Variants in TNRC6C observed in about 807,000 individuals in gnomAD.
TNRC6C encodes the protein trinucleotide repeat containing adaptor 6C, also known as trinucleotide repeat-containing gene 6C protein.
TNRC6C carries 20 observed loss-of-function variants against 153.7 expected under a neutral mutation model. The observed-to-expected ratio is 0.13, with a 90% CI of 0.09 to 0.19. The LOEUF (loss-of-function observed/expected upper bound fraction) is 0.19, where lower values mean the gene tolerates loss of function less well. Among genes scored for constraint, TNRC6C ranks in the 10% least tolerant of loss-of-function variants. The probability of loss-of-function intolerance (pLI) is 1.00; values close to 1 mark genes in which losing one functional copy is unlikely to be tolerated. For missense variants in TNRC6C, 1,987 were observed against 2,172.0 expected, an observed-to-expected ratio of 0.91 and a Z score of 1.69; for synonymous variants, 811 against 841.4, an observed-to-expected ratio of 0.96 and a Z score of 0.63.
chr17:77,980,275 A>C (rs2071056293), intron 1 of TNRC6C, among the ~76,000 whole-genome samples: 1 of 152,236 alleles, frequency 6.6e-6, no homozygotes, highest in Non-Finnish European at 1.5e-5. Context: ...CTGGAACTTA[A>C]AAATTTTTAA....
At chr17:78,015,320 T>C (rs1295290374) in intron 1 of TNRC6C, among the ~76,000 whole-genome samples, 1 of 152,244 alleles carries the variant, frequency 6.6e-6, no homozygotes, top group Non-Finnish European at 1.5e-5. Context: ...GAGGAAACCT[T>C]GTTGTATTTA....
chr17:77,994,531 A>G (rs2071299001), intron 1 of TNRC6C, among the ~76,000 whole-genome samples: 1 of 152,370 alleles, frequency 6.6e-6, no homozygotes, highest in Non-Finnish European at 1.5e-5. Context: ...ACCTTTGAAT[A>G]GAAAGCCACC....
rs149905249 is a variant in TNRC6C, at chr17:78,033,970, A to G, written c.-219+2128A>G. On this transcript the variant is annotated intron_variant, in intron 2 of 19. Coordinates refer to ENST00000301624, the Ensembl canonical transcript of TNRC6C. ...GTGGTCACCTAGTTACTAATGCACA[A>G]ACTCTCCGTTTTTCTCTCTGGCTGT... Among the ~76,000 whole-genome samples, 1,365 of 152,238 alleles carry G rather than the reference A, an allele frequency of 9.0e-3. 20 individuals carry two copies. The highest frequency in any genetic ancestry group is 0.032 in the African/African-American group (1,313 of 41,530).
At chr17:77,958,128 TGCACG>T (rs961156916), upstream of TNRC6C, among the ~76,000 whole-genome samples, 24 of 151,614 alleles carry the variant, frequency 1.6e-4, no homozygotes, top group Non-Finnish European at 3.1e-4. Flanking sequence ...GCAGGGCGTG[TGCACG>T]GCACGGGCGA....
rs1402180037 is a variant in TNRC6C at position 78,079,509 on chromosome 17, C to T, written c.3325C>T (p.Arg1109Cys). ...TCTTAACTCTTCCCAGCCCAGTCTC[C>T]GTGCTCAAGTGCCTCAGTTTCTATC... Residue 1109 changes from arginine to cysteine, a missense_variant, in exon 10 of 20, where the codon CGT becomes TGT. Arg to Cys is a radical substitution (Grantham distance 180, BLOSUM62 -3). This residue lies in a region of TNRC6C where 765 missense variants were observed against 908.6 expected (regional missense o/e 0.84). Transcript: ENST00000301624. The surrounding 1 kb of genome is among the most constrained non-coding windows in gnomAD (Gnocchi z 4.3). The T allele has an allele frequency of 4.3e-6, 7 of 1,613,878 alleles. No homozygotes were observed. The highest frequency in any genetic ancestry group is 5.9e-6 in the Non-Finnish European group (7 of 1,179,878).
intron 1 of TNRC6C, among the ~76,000 whole-genome samples, chr17:78,023,658 T>A (rs1179602241): frequency 6.6e-6 from 1 of 151,114 alleles, no homozygotes; most frequent in Non-Finnish European, 1.5e-5. Context: ...TACAAAAAAT[T>A]AGCTGGGCAT....
At chr17:78,042,119 C>T (rs1567930810) in intron 2 of TNRC6C, among the ~76,000 whole-genome samples, 2 of 152,144 alleles carry the variant, frequency 1.3e-5, no homozygotes, top group South Asian at 2.1e-4. Flanking sequence ...ATTATGTAAT[C>T]CTTTTTAATT....
At chr17:78,070,484 G>T (rs182528658) in intron 5 of TNRC6C, among the ~76,000 whole-genome samples, 1 of 152,240 alleles carries the variant, frequency 6.6e-6, no homozygotes, top group East Asian at 1.9e-4. Context: ...TGGCTCTTCT[G>T]TGGTGCCGAG....
At chr17:78,064,880 C>T in exon 4 of TNRC6C, 1 of 1,612,142 alleles carries the variant, frequency 6.2e-7, no homozygotes, top group Non-Finnish European at 8.5e-7. Flanking sequence ...TGCAGAGCCG[C>T]CGGTGGCATT....
At chr17:78,086,533 A>G (rs767440088) in exon 12 of TNRC6C, 1 of 1,613,930 alleles carries the variant, frequency 6.2e-7, no homozygotes, top group Non-Finnish European at 8.5e-7. Context: ...CCAGCAGCAG[A>G]TGTTACAGGC....
intron 1 of TNRC6C, among the ~76,000 whole-genome samples, chr17:77,977,821 A>G (rs2071021857): frequency 6.6e-6 from 1 of 151,460 alleles, no homozygotes; most frequent in Admixed American, 6.6e-5. Flanking sequence ...ACATAAGTGT[A>G]TGTGAGACTC....
At position 78,079,118 on chromosome 17, in the gene TNRC6C, G is replaced by C. The variant is rs919696035; in HGVS notation, c.3211-277G>C. ...AAAAAAAAAAGCCAGGCATAGTGGC[G>C]GGGGTCTGTAATCCCAGCTACTCGG... is the stretch of plus-strand genomic sequence containing the variant. On this transcript the variant is annotated intron_variant, in intron 9 of 19. Coordinates refer to ENST00000301624, the Ensembl canonical transcript of TNRC6C. This position sits in a 1 kb window ranked among gnomAD's most constrained non-coding sequence, Gnocchi z 4.3. 6.6e-6 allele frequency among the ~76,000 whole-genome samples: 1 copy of C among 151,276 alleles called. No homozygotes were observed. Among genetic ancestry groups the C allele is most frequent in the East Asian group, 2.0e-4 (1 of 5,128 alleles).
intron 1 of TNRC6C, among the ~76,000 whole-genome samples, chr17:77,969,980 T>C (rs1305965849): frequency 6.6e-6 from 1 of 152,228 alleles, no homozygotes. Context: ...TGATAACTCA[T>C]GTAAGAGCAG....
intron 10 of TNRC6C, among the ~76,000 whole-genome samples, chr17:78,081,327 C>T (rs546509460): frequency 6.6e-6 from 1 of 151,830 alleles, no homozygotes; most frequent in Admixed American, 6.6e-5. Flanking sequence ...TGCTAGCATA[C>T]GAAAAAGAGC....
In TNRC6C at chr17:78,073,247, C is replaced by G. The variant is rs371535788; in HGVS notation, c.2917+153C>G. Among the ~76,000 whole-genome samples, 9 of 152,362 alleles carry G rather than the reference C, an allele frequency of 5.9e-5. 1 individual carries two copies. The East Asian group carries it at 1.7e-3, about 29-fold the overall frequency. On this transcript the variant is annotated intron_variant, in intron 7 of 19. Transcript: ENST00000301624. ...GGGGCAACCACACAACAAGCTGGAACCACAGAGGGAGCCTCTTGGGATTAG... is the reference window on the plus strand; with the variant it reads ...GGGGCAACCACACAACAAGCTGGAAGCACAGAGGGAGCCTCTTGGGATTAG...
chr17:77,974,037 G>A (rs1378386083), intron 1 of TNRC6C, among the ~76,000 whole-genome samples: 1 of 131,772 alleles, frequency 7.6e-6, no homozygotes, highest in African/African-American at 2.8e-5. Context: ...AAGACCTGGA[G>A]AGAGGGAGGG....
At chr17:77,984,371 A>G (rs1598649260) in intron 1 of TNRC6C, among the ~76,000 whole-genome samples, 1 of 150,300 alleles carries the variant, frequency 6.7e-6, no homozygotes, top group Non-Finnish European at 1.5e-5. Context: ...AAAAAAAACA[A>G]AAAAAAAAAC....
chr17:77,994,961 A>G (rs79836127), intron 1 of TNRC6C, among the ~76,000 whole-genome samples: 4,204 of 152,306 alleles, frequency 0.028, 174 homozygotes, highest in African/African-American at 0.096. Context: ...GTTTATTGAT[A>G]GGATTGAAAT....
Position 78,050,668 on chromosome 17 carries a change from G to C in TNRC6C, c.1606G>C (p.Val536Leu), listed in dbSNP as rs759807792. The change falls in exon 3 of 20, where the codon GTT becomes CTT. Residue 536 changes from valine (V) to leucine (L), a missense_variant. Physicochemically the swap from Val to Leu is conservative, Grantham distance 32. This residue lies in a region of TNRC6C where 1,052 missense variants were observed against 1,017.0 expected (regional missense o/e 1.03). Coordinates refer to ENST00000301624, the Ensembl canonical transcript of TNRC6C. ...CAACAAAGCGCCAAGTGGCCCGGGG[G>C]TTTGGGGGGACTCGATAAGCTCTAC... The C allele has an allele frequency of 2.6e-6, 4 of 1,560,876 alleles. No individual in the cohort carries two copies. In the Admixed American group the frequency reaches 7.3e-5, roughly 29 times the overall value.
Sources: allele counts gnomAD v4.1 joint callset (sites outside exome capture counted in the v4.1 genomes callset), GRCh38; gene constraint gnomAD v4.1.1; regional missense constraint gnomAD v4.1.1; non-coding constraint Gnocchi (gnomAD v3.1); transcripts MANE v1.5; gene names NCBI Gene and HGNC (gene_info 2026-07-23, HGNC 2026-07-21).